Variants in PCDHA13 observed in about 807,000 individuals in gnomAD.
The protein encoded by PCDHA13 is protocadherin alpha 13.
Under a neutral mutation model 64.8 loss-of-function variants are expected in PCDHA13, and 54 were observed. The ratio of observed to expected loss-of-function variants is 0.83; its 90% CI spans 0.67 to 1.04. The LOEUF is 1.04. PCDHA13 is among the 50% of genes least tolerant of loss of function. The probability of loss-of-function intolerance (pLI) is 0.00; values close to 1 mark genes in which losing one functional copy is unlikely to be tolerated. For synonymous variants in PCDHA13, 587 were observed against 564.4 expected (o/e 1.04, Z -0.57); for missense variants, 1,248 against 1,254.3 (o/e 0.99, Z 0.08).
In PCDHA13 at chr5:140,883,789, C is replaced by T. The variant is rs782802452; in HGVS notation, c.1521C>T (p.Tyr507=). ...RRVGERALSS[Y]VSVHAESGKV... is the part of the protein sequence containing the mutation. ...TGGGCGAGCGTGCGCTGTCGAGCTACGTGTCGGTGCACGCGGAGAGCGGCA... is the reference window on the plus strand; with the variant it reads ...TGGGCGAGCGTGCGCTGTCGAGCTATGTGTCGGTGCACGCGGAGAGCGGCA... The change falls in exon 1 of 4, where the codon TAC becomes TAT. Residue 507 remains tyrosine, a synonymous_variant. Coordinates refer to ENST00000289272, the MANE Select transcript of PCDHA13 (RefSeq NM_018904.3). 1.4e-5 allele frequency: 22 copies of T among 1,612,296 alleles called. No homozygotes were observed. In the South Asian group the frequency reaches 2.0e-4, roughly 14 times the overall value.
At chr5:140,897,412 C>T (rs1304528785) in intron 1 of PCDHA13, among the ~76,000 whole-genome samples, 1 of 143,354 alleles carries the variant, frequency 7.0e-6, no homozygotes, top group Non-Finnish European at 1.5e-5. Context: ...TTGTTCAATT[C>T]CCATCTATGA....
chr5:140,978,644 G>A (rs782602318), intron 1 of PCDHA13, among the ~76,000 whole-genome samples: 18 of 152,220 alleles, frequency 1.2e-4, no homozygotes, highest in Non-Finnish European at 1.9e-4. Context: ...AAAGCAGACT[G>A]TTCTTCCCGT....
chr5:140,929,143 T>C (rs2085863317), intron 1 of PCDHA13: 1 of 1,614,234 alleles, frequency 6.2e-7, no homozygotes, highest in Non-Finnish European at 8.5e-7. Context: ...TGAGAGACTT[T>C]CTCAGACTTA....
chr5:140,926,917 TTA>T, intron 1 of PCDHA13: 3 of 1,565,668 alleles, frequency 1.9e-6, no homozygotes, highest in South Asian at 1.2e-5. Context: ...GGTGGCAGTT[TTA>T]TGTTTGTGGG....
At chr5:140,981,666 C>CT (rs1430989347) in intron 2 of PCDHA13, among the ~76,000 whole-genome samples, 8 of 152,058 alleles carry the variant, frequency 5.3e-5, no homozygotes, top group Non-Finnish European at 1.0e-4. Flanking sequence ...TTCTTCCTTC[C>CT]TTTCTTCCTT....
intron 1 of PCDHA13, among the ~76,000 whole-genome samples, chr5:140,944,212 G>A (rs2093625655): frequency 6.6e-6 from 1 of 152,158 alleles, no homozygotes; most frequent in Non-Finnish European, 1.5e-5. Flanking sequence ...TTTTTAAAGA[G>A]GGTTTTACTC....
intron 3 of PCDHA13, among the ~76,000 whole-genome samples, chr5:140,987,604 T>G (rs2097261353): frequency 6.6e-6 from 1 of 152,222 alleles, no homozygotes; most frequent in Admixed American, 6.5e-5. Context: ...GTCTACCTTA[T>G]AGGGTTCTTG....
chr5:140,972,623 T>C (rs1554234256), intron 1 of PCDHA13, among the ~76,000 whole-genome samples: 1 of 151,938 alleles, frequency 6.6e-6, no homozygotes, highest in African/African-American at 2.4e-5. Context: ...TGAATGTTGT[T>C]GGCACTCCCT....
At chr5:140,980,684 GAAAA>G (rs782726576) in intron 2 of PCDHA13, among the ~76,000 whole-genome samples, 3 of 145,064 alleles carry the variant, frequency 2.1e-5, no homozygotes, top group Non-Finnish European at 4.6e-5. Flanking sequence ...TTTTCAAATT[GAAAA>G]AAAAAAGCCA....
At chr5:141,006,678 T>C (rs1554260866) in intron 3 of PCDHA13, among the ~76,000 whole-genome samples, 1 of 151,754 alleles carries the variant, frequency 6.6e-6, no homozygotes, top group Non-Finnish European at 1.5e-5. Flanking sequence ...GCAGTGAAAA[T>C]TGGGAGAAGA....
intron 1 of PCDHA13, among the ~76,000 whole-genome samples, chr5:140,973,039 C>T (rs782146596): frequency 1.3e-5 from 2 of 152,040 alleles, no homozygotes; most frequent in Non-Finnish European, 2.9e-5. Flanking sequence ...ACTTTGAGTA[C>T]TCTAGTAGAT....
chr5:140,970,834 T>C lies in PCDHA13; in HGVS notation c.2395-8115T>C, dbSNP rs566411727. 8.6e-5 allele frequency among the ~76,000 whole-genome samples: 13 copies of C among 151,290 alleles called. No homozygotes were observed. The South Asian group carries it at 1.2e-3, about 14-fold the overall frequency. ...AAGTTCATGGTAATCTTGAGGAATG[T>C]AATGCACAGGCACAAAAGTTCCATT... On this transcript the variant is annotated intron_variant, in intron 1 of 3. Transcript: ENST00000289272.
intron 1 of PCDHA13, among the ~76,000 whole-genome samples, chr5:140,892,375 A>G (rs1032467069): frequency 1.3e-5 from 2 of 152,226 alleles, no homozygotes; most frequent in African/African-American, 4.8e-5. Flanking sequence ...GGCACTAGCA[A>G]TCATGGGTAA....
intron 1 of PCDHA13, chr5:140,968,554 A>G (rs782240700): frequency 1.9e-6 from 3 of 1,614,162 alleles, no homozygotes; most frequent in Non-Finnish European, 2.5e-6. Context: ...TGGTGCCTCG[A>G]ACTGCCCCTG....
chr5:140,947,668 T>A (rs2094160892), intron 1 of PCDHA13, among the ~76,000 whole-genome samples: 1 of 151,602 alleles, frequency 6.6e-6, no homozygotes, highest in Admixed American at 6.6e-5. Flanking sequence ...TACTTGGGTC[T>A]TTAAAAAATT....
intron 1 of PCDHA13, among the ~76,000 whole-genome samples, chr5:140,960,355 A>G (rs1489344440): frequency 6.6e-6 from 1 of 152,222 alleles, no homozygotes; most frequent in Admixed American, 6.5e-5. Flanking sequence ...ATGTACTGAA[A>G]TAATATGCCA....
chr5:140,949,263 C>T (rs1210516513), intron 1 of PCDHA13, among the ~76,000 whole-genome samples: 3 of 151,832 alleles, frequency 2.0e-5, no homozygotes, highest in South Asian at 4.1e-4. Flanking sequence ...GAACATATCA[C>T]GTGCACTTGA....
rs782535066 is a variant in PCDHA13, at chr5:140,883,811, G to C, written c.1543G>C (p.Gly515Arg). Residue 515 changes from glycine to arginine, a missense_variant, in exon 1 of 4, where the codon GGC (glycine) becomes CGC (arginine). Coordinates refer to ENST00000289272, the MANE Select transcript of PCDHA13 (RefSeq NM_018904.3). ...SSYVSVHAESGKVYALQPLDH... is the reference protein window; with the variant it reads ...SSYVSVHAESRKVYALQPLDH... ...CTACGTGTCGGTGCACGCGGAGAGC[G>C]GCAAGGTGTACGCGCTGCAGCCGTT... The C allele has an allele frequency of 6.2e-7, 1 of 1,612,586 alleles. No individual in the cohort carries two copies. Among genetic ancestry groups the C allele is most frequent in the South Asian group, 1.1e-5 (1 of 91,024 alleles).
chr5:140,957,076 A>C (rs1554222802), intron 1 of PCDHA13, among the ~76,000 whole-genome samples: 1 of 152,174 alleles, frequency 6.6e-6, no homozygotes, highest in Non-Finnish European at 1.5e-5. Context: ...AGGGCTTTTT[A>C]TTAAGGAAAA....
Sources: gnomAD v4.1 joint callset for allele counts (sites outside exome capture counted in the v4.1 genomes callset) on GRCh38, gnomAD v4.1.1 for gene constraint, MANE v1.5 for transcripts, NCBI Gene and HGNC (gene_info 2026-07-23, HGNC 2026-07-21) for gene names.